The following L3MBTL2 variants were observed in gnomAD, a reference collection of about 807,000 sequenced individuals.
The protein encoded by L3MBTL2 is L3MBTL histone methyl-lysine binding protein 2, also known as lethal(3)malignant brain tumor-like protein 2.
In L3MBTL2, 49 loss-of-function variants were observed where a neutral mutation model predicts 86.4. The ratio of observed to expected loss-of-function variants is 0.57; its 90% CI spans 0.45 to 0.72. L3MBTL2 has a LOEUF of 0.72. Ranked by LOEUF, L3MBTL2 falls within the 30% of genes least tolerant of loss-of-function variation. The pLI is 0.00. For synonymous variants in L3MBTL2, 336 were observed against 350.6 expected, an observed-to-expected ratio of 0.96 and a Z score of 0.47; for missense variants, 755 against 923.7, an observed-to-expected ratio of 0.82 and a Z score of 2.37.
Position 41,225,904 on chromosome 22 carries a change from C to T in L3MBTL2, c.1467C>T (p.Phe489=). The change falls in exon 12 of 17, where the codon TTC becomes TTT. Residue 489 remains phenylalanine (F), a synonymous_variant. Coordinates refer to ENST00000216237, the MANE Select transcript of L3MBTL2 (RefSeq NM_031488.5). This position sits in a 1 kb window ranked among gnomAD's most constrained non-coding sequence, Gnocchi z 4.1. ...CCCACGCCATCTTCCCGGCCACCTT[C>T]TGTCAGAAGAATGACATTGAGCTCA... ...ASSHAIFPAT[F]CQKNDIELTP... is the part of the protein sequence containing the mutation. 6.2e-7 allele frequency: 1 copy of T among 1,614,140 alleles called. No homozygotes were observed. The highest frequency in any genetic ancestry group is 8.5e-7 in the Non-Finnish European group (1 of 1,180,036).
At chr22:41,205,421 G>A in intron 1 of L3MBTL2, 35 bp downstream of exon 1, 5 of 1,613,380 alleles carry the variant, frequency 3.1e-6, no homozygotes, top group Non-Finnish European at 4.2e-6. Context: ...ACTGGGAAAG[G>A]GAACTCCGAG....
At position 41,229,567 on chromosome 22, in the gene L3MBTL2, G is replaced by A. The variant is rs200806912; in HGVS notation, c.1916G>A (p.Arg639Gln). The A allele has an allele frequency of 2.4e-5, 39 of 1,612,522 alleles. No individual in the cohort carries two copies. The highest frequency in any genetic ancestry group is 4.5e-5 in the East Asian group (2 of 44,816). ...AAAAGAATCCCGCCCACTAAGACGC[G>A]ACCCCTCAGACAGGGGTCCAAGAAG... ...KRKRIPPTKTRPLRQGSKKPL... is the reference protein window; with the variant it reads ...KRKRIPPTKTQPLRQGSKKPL... Residue 639 changes from arginine (R) to glutamine (Q), a missense_variant, in exon 16 of 17, where the codon CGA (arginine) becomes CAA (glutamine). Arg to Gln is a conservative substitution (Grantham distance 43). Transcript: ENST00000216237.
Position 41,224,309 on chromosome 22 carries a change from G to A in L3MBTL2, c.1174+58G>A, listed in dbSNP as rs1377751959. ...GCTGTGCTTCCCCAGGGACGGAGTGGGAGCACCTTCCTACTCGTCACAGCA... is the reference window on the plus strand; with the variant it reads ...GCTGTGCTTCCCCAGGGACGGAGTGAGAGCACCTTCCTACTCGTCACAGCA... On this transcript the variant is annotated intron_variant, in intron 9 of 16. Transcript: ENST00000216237. The surrounding 1 kb of genome is among the most constrained non-coding windows in gnomAD (Gnocchi z 4.9). 6 of 1,410,768 alleles carry A rather than the reference G, an allele frequency of 4.3e-6. No individual in the cohort carries two copies. Among genetic ancestry groups the A allele is most frequent in the South Asian group, 3.7e-5 (3 of 81,926 alleles). 87.4% of individuals were successfully genotyped at this position (1,410,768 alleles called of 1,614,324 possible).
intron 3 of L3MBTL2, chr22:41,214,469 A>G (rs2031171725): frequency 6.4e-6 from 1 of 157,432 alleles, no homozygotes; most frequent in African/African-American, 2.4e-5. Flanking sequence ...TGATATTTAT[A>G]GAATCTTTAG....
At chr22:41,205,513 G>T in intron 1 of L3MBTL2, 127 bp downstream of exon 1, 2 of 1,130,292 alleles carry the variant, frequency 1.8e-6, no homozygotes. Context: ...AACTGAGGTA[G>T]TTAAACTGAG....
Position 41,215,057 on chromosome 22 carries a change from G to A in L3MBTL2, c.396+1031G>A, listed in dbSNP as rs148393446. Among the ~76,000 whole-genome samples the A allele has an allele frequency of 1.7e-3, 254 of 152,226 alleles. 2 individuals are homozygous for A. The highest frequency in any genetic ancestry group is 5.8e-3 in the African/African-American group (242 of 41,526). ...CGAAAGGTTCTGATTTAACTGGGAT[G>A]GTGTGTAGCCTGGACAGAGATTGGA... On this transcript the variant is annotated intron_variant, in intron 3 of 16. Coordinates refer to ENST00000216237, the MANE Select transcript of L3MBTL2 (RefSeq NM_031488.5).
At chr22:41,226,071 G>A in intron 12 of L3MBTL2, 130 bp downstream of exon 12, 1 of 945,920 alleles carries the variant, frequency 1.1e-6, no homozygotes, top group Non-Finnish European at 1.6e-6. Flanking sequence ...GAGGTCAGGA[G>A]TTTGAGACCA....
In L3MBTL2 at chr22:41,209,966, G is replaced by A. The variant is rs1398718889; in HGVS notation, c.262+33G>A. The A allele has an allele frequency of 2.5e-6, 4 of 1,606,560 alleles. No homozygotes were observed. The African/African-American group carries it at 5.4e-5, about 21-fold the overall frequency. On this transcript the variant is annotated intron_variant, in intron 2 of 16. Coordinates refer to ENST00000216237, the MANE Select transcript of L3MBTL2 (RefSeq NM_031488.5). ...CAGAGTGTCCCCTGAGGATGGAGAG[G>A]AGATAGAAGATTATAGAGGAAGAGG...
At chr22:41,207,397 AT>A (rs1230244144) in intron 1 of L3MBTL2, among the ~76,000 whole-genome samples, 1 of 150,022 alleles carries the variant, frequency 6.7e-6, no homozygotes, top group African/African-American at 2.5e-5. Flanking sequence ...AATTTTTTCC[AT>A]TTTTTATAGA....
intron 12 of L3MBTL2, among the ~76,000 whole-genome samples, chr22:41,226,148 G>T (rs1208020293): frequency 6.6e-6 from 1 of 152,200 alleles, no homozygotes; most frequent in East Asian, 1.9e-4. Flanking sequence ...ATGGTGACAG[G>T]TGCCTATAAT....
At chr22:41,216,291 A>G (rs201167800) in intron 4 of L3MBTL2, 29 bp downstream of exon 4, 472 of 1,602,860 alleles carry the variant, frequency 2.9e-4, no homozygotes, top group Non-Finnish European at 3.6e-4. Flanking sequence ...CTGCTTAGGA[A>G]GCTGCCGTGG....
At chr22:41,214,048 C>G in intron 3 of L3MBTL2, 22 bp downstream of exon 3, 1 of 1,613,438 alleles carries the variant, frequency 6.2e-7, no homozygotes, top group Non-Finnish European at 8.5e-7. Context: ...TCACTTGGAT[C>G]CTTCCCGGTG....
rs942706810 is a variant in L3MBTL2 at position 41,227,959 on chromosome 22, C to T, written c.1888+90C>T. 1 of 1,537,472 alleles carries T rather than the reference C, an allele frequency of 6.5e-7. No individual in the cohort carries two copies. Among genetic ancestry groups the T allele is most frequent in the Non-Finnish European group, 8.8e-7 (1 of 1,141,714 alleles). ...GAGCAGGCGGGGGTCAGCCCCCAGGCACTGGTTCCCAGGTGCTGTCCTACT... is the reference window on the plus strand; with the variant it reads ...GAGCAGGCGGGGGTCAGCCCCCAGGTACTGGTTCCCAGGTGCTGTCCTACT... On this transcript the variant is annotated intron_variant, in intron 15 of 16. Coordinates refer to ENST00000216237, the MANE Select transcript of L3MBTL2 (RefSeq NM_031488.5). The surrounding 1 kb of genome is among the most constrained non-coding windows in gnomAD (Gnocchi z 6.0).
At chr22:41,205,657 G>A (rs1203772828) in intron 1 of L3MBTL2, among the ~76,000 whole-genome samples, 1 of 152,140 alleles carries the variant, frequency 6.6e-6, no homozygotes, top group Non-Finnish European at 1.5e-5. Context: ...GAGAGCTCCT[G>A]AATCTTCCTT....
chr22:41,227,905 G>T lies in L3MBTL2; in HGVS notation c.1888+36G>T. 1 of 1,606,728 alleles carries T rather than the reference G, an allele frequency of 6.2e-7. No individual in the cohort carries two copies. Among genetic ancestry groups the T allele is most frequent in the South Asian group, 1.1e-5 (1 of 90,154 alleles). On this transcript the variant is annotated intron_variant, in intron 15 of 16. Transcript: ENST00000216237. This position sits in a 1 kb window ranked among gnomAD's most constrained non-coding sequence, Gnocchi z 6.0. ...CACCGGTGCAGCCAGGCTGGTGTGG[G>T]CCTGGGAGCAGTGGGCCTGCGTCCC...
Position 41,219,505 on chromosome 22 carries a change from G to A in L3MBTL2, c.687G>A (p.Val229=), listed in dbSNP as rs750674133. 1.2e-6 allele frequency: 2 copies of A among 1,613,830 alleles called. No homozygotes were observed. The highest frequency in any genetic ancestry group is 1.7e-6 in the Non-Finnish European group (2 of 1,179,786). ...GTGATGCTGTGCTCCCCAGCCGGGT[G>A]TACTGGATCGCCTCTGTCATCCAGA... ...LNSDAVLPSR[V]YWIASVIQTA... Residue 229 remains valine (V), a synonymous_variant, in exon 6 of 17, where the codon GTG becomes GTA. Transcript: ENST00000216237.
Position 41,227,069 on chromosome 22 carries a change from G to A in L3MBTL2, c.1588-20G>A, listed in dbSNP as rs1187461696. 1 of 1,590,530 alleles carries A rather than the reference G, an allele frequency of 6.3e-7. No homozygotes were observed. The highest frequency in any genetic ancestry group is 2.3e-5 in the East Asian group (1 of 43,502). On this transcript the variant is annotated intron_variant, in intron 13 of 16. Transcript: ENST00000216237. This position sits in a 1 kb window ranked among gnomAD's most constrained non-coding sequence, Gnocchi z 6.0. Reference sequence around the variant, plus strand: ...TAGGGAGCTGACTGGCTTGGCCACTGCCTCCTTTTTCTGCCCCAGGATTGC... The same window carrying A: ...TAGGGAGCTGACTGGCTTGGCCACTACCTCCTTTTTCTGCCCCAGGATTGC...
At chr22:41,220,689 C>G (rs1342006278) in intron 6 of L3MBTL2, 45 bp from the exon 7 acceptor site, 2 of 1,554,574 alleles carry the variant, frequency 1.3e-6, no homozygotes, top group South Asian at 1.2e-5. Flanking sequence ...AACATACCTT[C>G]CCCAGCTCAC....
At position 41,220,685 on chromosome 22, in the gene L3MBTL2, C is replaced by G. The variant is rs761337180; in HGVS notation, c.719-49C>G. On this transcript the variant is annotated intron_variant, in intron 6 of 16. Transcript: ENST00000216237. Reference sequence around the variant, plus strand: ...AAAAAAAAAAAAAAAACAGAACATACCTTCCCCAGCTCACCCTCCCTCACA... The same window carrying G: ...AAAAAAAAAAAAAAAACAGAACATAGCTTCCCCAGCTCACCCTCCCTCACA... 78 of 1,514,286 alleles carry G rather than the reference C, an allele frequency of 5.2e-5. 1 individual carries two copies. The highest frequency in any genetic ancestry group is 4.2e-4 in the African/African-American group (30 of 70,776). The allele number at this position is 1,514,286 out of a possible 1,614,324, so 93.8% of individuals were successfully genotyped here.
Sources: allele counts gnomAD v4.1 joint callset (sites outside exome capture counted in the v4.1 genomes callset), GRCh38; gene constraint gnomAD v4.1.1; non-coding constraint Gnocchi (gnomAD v3.1); transcripts MANE v1.5; gene names NCBI Gene and HGNC (gene_info 2026-07-23, HGNC 2026-07-21).